The following SH3BGRL2 variants were observed in gnomAD, a reference collection of about 807,000 sequenced individuals.
SH3BGRL2 encodes the protein SH3 domain binding glutamate rich protein like 2.
In SH3BGRL2, 21 loss-of-function variants were observed where a neutral mutation model predicts 14.8. That is an observed-to-expected ratio of 1.42 (90% confidence interval 1.01 to 2.05). SH3BGRL2 has a LOEUF of 2.05. Among genes scored for constraint, SH3BGRL2 ranks in the 30% most tolerant of loss-of-function variants. SH3BGRL2 has a pLI of 0.00. For synonymous variants in SH3BGRL2, 50 were observed against 47.8 expected (o/e 1.05, Z -0.19); for missense variants, 147 against 130.8 (o/e 1.12, Z -0.61).
At chr6:79,698,630 AG>A (rs1319986892) in intron 3 of SH3BGRL2, among the ~76,000 whole-genome samples, 1 of 151,962 alleles carries the variant, frequency 6.6e-6, no homozygotes, top group African/African-American at 2.4e-5. Flanking sequence ...GGGCAAAGGT[AG>A]GTTAGAGGTC....
rs1384912472 is a variant in SH3BGRL2 at position 79,673,694 on chromosome 6, A to G, written c.126A>G (p.Ser42=). The change falls in exon 2 of 4, where the codon TCA becomes TCG. Residue 42 remains serine (S), a synonymous_variant. Transcript: ENST00000369838. ...TTGAGGAGGTGGATATCACAATGTC[A>G]GAAGAACAGAGGCAATGGATGTACA... ...IEFEEVDITM[S]EEQRQWMYKN... 1.2e-6 allele frequency: 2 copies of G among 1,614,108 alleles called. No homozygotes were observed. Among genetic ancestry groups the G allele is most frequent in the African/African-American group, 2.7e-5 (2 of 74,924 alleles).
At chr6:79,612,253 A>C in the SH3BGRL2 span, among the ~76,000 whole-genome samples, 7 of 152,160 alleles carry the variant, frequency 4.6e-5, no homozygotes, top group Non-Finnish European at 7.4e-5. Flanking sequence ...GTGAGCCCAC[A>C]TATCACCACT....
chr6:79,542,187 A>G, the SH3BGRL2 span, among the ~76,000 whole-genome samples: 1 of 151,332 alleles, frequency 6.6e-6, no homozygotes, highest in African/African-American at 2.4e-5. Flanking sequence ...CACCACTTAC[A>G]CCAGTGCCAG....
chr6:79,670,539 T>G (rs1442297092), intron 1 of SH3BGRL2, among the ~76,000 whole-genome samples: 1 of 152,258 alleles, frequency 6.6e-6, no homozygotes, highest in African/African-American at 2.4e-5. Flanking sequence ...TACTGTGCAG[T>G]TATAGCTGTT....
chr6:79,685,131 A>C (rs1179275383), intron 2 of SH3BGRL2, among the ~76,000 whole-genome samples: 1 of 152,172 alleles, frequency 6.6e-6, no homozygotes, highest in Non-Finnish European at 1.5e-5. Context: ...TTGCCTTCAT[A>C]TTCTACAGTG....
At chr6:79,578,284 A>G in the SH3BGRL2 span, among the ~76,000 whole-genome samples, 2 of 152,232 alleles carry the variant, frequency 1.3e-5, no homozygotes, top group Non-Finnish European at 1.5e-5. Flanking sequence ...TTCTCTCAGC[A>G]TGATGTTTGA....
the SH3BGRL2 span, among the ~76,000 whole-genome samples, chr6:79,568,359 G>T: frequency 6.6e-6 from 1 of 152,046 alleles, no homozygotes; most frequent in Non-Finnish European, 1.5e-5. Context: ...ATAAACTGTG[G>T]TATATTTATA....
the SH3BGRL2 span, among the ~76,000 whole-genome samples, chr6:79,585,673 G>C: frequency 5.3e-5 from 8 of 151,994 alleles, no homozygotes; most frequent in African/African-American, 1.7e-4. Context: ...TAAGGTCTAG[G>C]CCAAGTCCCT....
the SH3BGRL2 span, among the ~76,000 whole-genome samples, chr6:79,595,690 G>A: frequency 6.6e-6 from 1 of 152,142 alleles, no homozygotes; most frequent in Non-Finnish European, 1.5e-5. Context: ...CTGATTAAGG[G>A]CATCTATGAA....
At chr6:79,690,317 A>G (rs10943658) in intron 2 of SH3BGRL2, among the ~76,000 whole-genome samples, 57,012 of 152,054 alleles carry the variant, frequency 0.37, 12,445 homozygotes, top group South Asian at 0.55. Context: ...AATCACATAG[A>G]GACAGATGGT....
At chr6:79,686,118 A>G (rs1019468832) in intron 2 of SH3BGRL2, among the ~76,000 whole-genome samples, 37 of 152,276 alleles carry the variant, frequency 2.4e-4, no homozygotes, top group Non-Finnish European at 2.1e-4. Context: ...GGAAGACTTC[A>G]TGTCTGCTAG....
intron 1 of SH3BGRL2, among the ~76,000 whole-genome samples, chr6:79,672,419 AT>A (rs1053999307): frequency 1.2e-4 from 18 of 150,562 alleles, no homozygotes; most frequent in African/African-American, 1.9e-4. Context: ...ATTTTTCTCC[AT>A]TTTTTTTTAA....
chr6:79,542,455 T>C, the SH3BGRL2 span, among the ~76,000 whole-genome samples: 1 of 151,904 alleles, frequency 6.6e-6, no homozygotes, highest in Non-Finnish European at 1.5e-5. Flanking sequence ...TATTAGTAAA[T>C]ATAGGGTTTC....
At chr6:79,605,468 T>C in the SH3BGRL2 span, among the ~76,000 whole-genome samples, 2 of 152,382 alleles carry the variant, frequency 1.3e-5, no homozygotes, top group East Asian at 3.8e-4. Context: ...TCAGGAACTA[T>C]TTAGACAAAG....
the SH3BGRL2 span, among the ~76,000 whole-genome samples, chr6:79,601,979 T>C: frequency 6.6e-6 from 1 of 152,304 alleles, no homozygotes; most frequent in East Asian, 1.9e-4. Flanking sequence ...GTAGCTACAT[T>C]GAGCAACAGC....
intron 1 of SH3BGRL2, among the ~76,000 whole-genome samples, chr6:79,635,582 T>G (rs977781687): frequency 6.6e-6 from 1 of 152,234 alleles, no homozygotes; most frequent in Non-Finnish European, 1.5e-5. Context: ...TTCAGAGACT[T>G]GAGATGCAAA....
chr6:79,592,383 C>A, the SH3BGRL2 span, among the ~76,000 whole-genome samples: 7 of 152,088 alleles, frequency 4.6e-5, no homozygotes, highest in African/African-American at 1.7e-4. Flanking sequence ...CACATTTCAA[C>A]AGGAGAAATA....
intron 1 of SH3BGRL2, among the ~76,000 whole-genome samples, chr6:79,665,317 A>C (rs1224013010): frequency 6.6e-6 from 1 of 152,248 alleles, no homozygotes; most frequent in African/African-American, 2.4e-5. Context: ...AATATAATTC[A>C]TACATGCAAT....
chr6:79,627,047 G>A (rs563412857), upstream of SH3BGRL2, among the ~76,000 whole-genome samples: 10 of 152,254 alleles, frequency 6.6e-5, no homozygotes, highest in Admixed American at 3.3e-4. Context: ...CCTTGTTAGT[G>A]TCTCAGCTTC....
Sources: allele counts gnomAD v4.1 joint callset (sites outside exome capture counted in the v4.1 genomes callset), GRCh38; gene constraint gnomAD v4.1.1; transcripts MANE v1.5; gene names NCBI Gene and HGNC (gene_info 2026-07-23, HGNC 2026-07-21).